The following ITGA9 variants were observed in gnomAD, a reference collection of about 807,000 sequenced individuals.
ITGA9 encodes the protein integrin alpha-9.
A neutral mutation model predicts 127.8 loss-of-function variants in ITGA9; 56 were observed. The observed-to-expected ratio is 0.44, with a 90% CI of 0.35 to 0.55. The LOEUF is 0.55. ITGA9 is among the 20% of genes least tolerant of loss of function. The pLI is 0.00. For missense variants in ITGA9, 1,196 were observed against 1,347.1 expected, an observed-to-expected ratio of 0.89 and a Z score of 1.76; for synonymous variants, 508 against 514.5, an observed-to-expected ratio of 0.99 and a Z score of 0.17.
rs1169133349 is a variant in ITGA9, at chr3:37,473,409, G to A, written c.369G>A (p.Glu123=). The part of the protein sequence containing the change: ...GKTCREDRDD[E]WMGVSLARQP... ...CCTGCCGGGAAGACCGCGATGATGA[G>A]TGGATGGGGGTGAGCCTGGCCCGAC... The change falls in exon 3 of 28, where the codon GAG becomes GAA. Residue 123 remains glutamate, a synonymous_variant. Transcript: ENST00000264741. 6.2e-7 allele frequency: 1 copy of A among 1,614,186 alleles called. No homozygotes were observed. Among genetic ancestry groups the A allele is most frequent in the Admixed American group, 1.7e-5 (1 of 60,020 alleles).
intron 18 of ITGA9, among the ~76,000 whole-genome samples, chr3:37,713,362 A>G (rs930140072): frequency 6.6e-6 from 1 of 152,134 alleles, no homozygotes; most frequent in African/African-American, 2.4e-5. Context: ...CAGCAGTTAA[A>G]AATCCATCAG....
chr3:37,690,118 C>A (rs999110601), intron 18 of ITGA9, among the ~76,000 whole-genome samples: 2 of 152,168 alleles, frequency 1.3e-5, no homozygotes, highest in Non-Finnish European at 2.9e-5. Flanking sequence ...CATGGATGAG[C>A]CTCCAAAGGA....
intron 18 of ITGA9, among the ~76,000 whole-genome samples, chr3:37,720,492 CT>C (rs1701179918): frequency 6.6e-6 from 1 of 152,134 alleles, no homozygotes; most frequent in Admixed American, 6.5e-5. Context: ...AACTTGAATT[CT>C]TAGTTTGTTG....
intron 9 of ITGA9, among the ~76,000 whole-genome samples, chr3:37,516,799 G>A (rs1698988013): frequency 6.6e-6 from 1 of 152,124 alleles, no homozygotes; most frequent in South Asian, 2.1e-4. Flanking sequence ...GTATCACTCT[G>A]GTCTTCATGT....
chr3:37,752,869 G>A (rs899089373), intron 23 of ITGA9, among the ~76,000 whole-genome samples: 2 of 152,168 alleles, frequency 1.3e-5, no homozygotes, highest in Non-Finnish European at 2.9e-5. Context: ...TTTACGGGGA[G>A]CCTAATGAAG....
rs191091895 is a variant in ITGA9, at chr3:37,793,943, C to T, written c.2889+8865C>T. ...AGGCATGACAAACCTGGGGGCTGGG[C>T]AGGCCAAATCAAGAGAGGGGACCCA... On this transcript the variant is annotated intron_variant, in intron 26 of 27. Transcript: ENST00000264741. Among the ~76,000 whole-genome samples, 27 of 152,264 alleles carry T rather than the reference C, an allele frequency of 1.8e-4. No individual in the cohort carries two copies. In the East Asian group the frequency reaches 4.5e-3, roughly 25 times the overall value.
intron 15 of ITGA9, among the ~76,000 whole-genome samples, chr3:37,615,041 G>T (rs1700060474): frequency 6.6e-6 from 1 of 152,138 alleles, no homozygotes; most frequent in Non-Finnish European, 1.5e-5. Flanking sequence ...CCTGTGTTGT[G>T]CCAGTTTTCA....
intron 17 of ITGA9, among the ~76,000 whole-genome samples, chr3:37,675,307 C>A (rs1700670780): frequency 6.6e-6 from 1 of 152,130 alleles, no homozygotes; most frequent in Non-Finnish European, 1.5e-5. Flanking sequence ...CCCAGAGCTC[C>A]CCAGCAAGAT....
rs957045595 is a variant in ITGA9, at chr3:37,799,748, G to A, written c.2890-4075G>A. Among the ~76,000 whole-genome samples the A allele has an allele frequency of 6.6e-6, 1 of 152,274 alleles. No individual in the cohort carries two copies. The highest frequency in any genetic ancestry group is 6.5e-5 in the Admixed American group (1 of 15,298). On this transcript the variant is annotated intron_variant, in intron 26 of 27. Transcript: ENST00000264741. The surrounding 1 kb of genome is among the most constrained non-coding windows in gnomAD (Gnocchi z 4.0). ...TGAAATAGTGCTGGTGAGAGAAGAC[G>A]AGATGTGAGCCAGGAGGTACCTGGG...
rs777568746 is a variant in ITGA9 at position 37,779,964 on chromosome 3, A to C, written c.2730A>C (p.Lys910Asn). Reference protein sequence around the residue: ...TAHCNFSALAKEESRTIDIYM... With the variant: ...TAHCNFSALANEESRTIDIYM... ...ACTGTAACTTTAGTGCTCTTGCTAA[A>C]GAAGAAAGTCGTACTATAGACATTT... Residue 910 changes from lysine (K) to asparagine (N), a missense_variant, in exon 25 of 28, where the codon AAA becomes AAC. Lys to Asn is a moderately conservative substitution (Grantham distance 94). Coordinates refer to ENST00000264741, the MANE Select transcript of ITGA9 (RefSeq NM_002207.3). 74 of 1,613,968 alleles carry C rather than the reference A, an allele frequency of 4.6e-5. No individual in the cohort carries two copies. The highest frequency in any genetic ancestry group is 5.9e-5 in the Non-Finnish European group (70 of 1,179,930).
At position 37,629,314 on chromosome 3, in the gene ITGA9, A is replaced by G; in HGVS notation, c.1817A>G (p.Gln606Arg). ...CCAGTTCTCCGCTGGAAAAAGGGACAAAAGATTGCCCAAAAGAATCAGGTC... is the reference window on the plus strand; with the variant it reads ...CCAGTTCTCCGCTGGAAAAAGGGACGAAAGATTGCCCAAAAGAATCAGGTC... ...LTPVLRWKKG[Q>R]KIAQKNQTVF... Residue 606 changes from glutamine (Q) to arginine (R), a missense_variant, in exon 16 of 28, where the codon CAA (glutamine) becomes CGA (arginine). By Grantham distance (43) the Gln-to-Arg change is conservative. Transcript: ENST00000264741. The surrounding 1 kb of genome is among the most constrained non-coding windows in gnomAD (Gnocchi z 4.5). The G allele has an allele frequency of 6.2e-7, 1 of 1,614,158 alleles. No homozygotes were observed. The highest frequency in any genetic ancestry group is 8.5e-7 in the Non-Finnish European group (1 of 1,180,016).
intron 1 of ITGA9, among the ~76,000 whole-genome samples, chr3:37,465,305 G>A (rs1483040879): frequency 2.0e-5 from 3 of 152,140 alleles, no homozygotes; most frequent in Non-Finnish European, 4.4e-5. Context: ...GTGGGCGGCT[G>A]GAATGGAGCC....
intron 16 of ITGA9, among the ~76,000 whole-genome samples, chr3:37,647,115 G>T (rs1484274581): frequency 6.6e-6 from 1 of 152,010 alleles, no homozygotes; most frequent in African/African-American, 2.4e-5. Flanking sequence ...ATTCCATGGT[G>T]TATTGTTTTT....
At chr3:37,693,180 A>G (rs915118148) in intron 18 of ITGA9, among the ~76,000 whole-genome samples, 1 of 152,190 alleles carries the variant, frequency 6.6e-6, no homozygotes, top group East Asian at 1.9e-4. Context: ...AATTTGGCTA[A>G]TAAGATGTTG....
intron 4 of ITGA9, among the ~76,000 whole-genome samples, chr3:37,491,160 G>C (rs267524): frequency 0.38 from 57,675 of 151,430 alleles, 12,966 homozygotes; most frequent in East Asian, 0.72. Flanking sequence ...TATTTTTGTA[G>C]AGATGGGGGT....
At chr3:37,564,917 T>G (rs1410441405) in intron 15 of ITGA9, among the ~76,000 whole-genome samples, 1 of 151,874 alleles carries the variant, frequency 6.6e-6, no homozygotes, top group Non-Finnish European at 1.5e-5. Context: ...GAAATGGGAG[T>G]TGGGATTAAA....
intron 15 of ITGA9, among the ~76,000 whole-genome samples, chr3:37,583,914 C>T (rs984810661): frequency 2.6e-5 from 4 of 152,172 alleles, no homozygotes; most frequent in Non-Finnish European, 4.4e-5. Flanking sequence ...TTCTCTTTCC[C>T]TTCTGGACAC....
chr3:37,533,264 G>A, intron 13 of ITGA9, 50 bp from the exon 14 acceptor site: 1 of 1,581,454 alleles, frequency 6.3e-7, no homozygotes, highest in Non-Finnish European at 8.7e-7. Context: ...GTTTGGTTCT[G>A]AGAGCTGCTC....
intron 14 of ITGA9, among the ~76,000 whole-genome samples, chr3:37,534,499 C>T (rs1170356318): frequency 6.6e-6 from 1 of 152,254 alleles, no homozygotes; most frequent in African/African-American, 2.4e-5. Flanking sequence ...CATGTGTGCA[C>T]ACACGCCCAC....
Sources: allele counts gnomAD v4.1 joint callset (sites outside exome capture counted in the v4.1 genomes callset), GRCh38; gene constraint gnomAD v4.1.1; non-coding constraint Gnocchi (gnomAD v3.1); transcripts MANE v1.5; gene names NCBI Gene and HGNC (gene_info 2026-07-23, HGNC 2026-07-21).